RAP1GAP2: variants seen among roughly 807,000 people sequenced by gnomAD.
RAP1GAP2 encodes the protein RAP1 GTPase activating protein 2, also known as rap1 GTPase-activating protein 2.
RAP1GAP2 carries 27 observed loss-of-function variants against 95.0 expected under a neutral mutation model. The ratio of observed to expected loss-of-function variants is 0.28; its 90% CI spans 0.21 to 0.39. The LOEUF (loss-of-function observed/expected upper bound fraction) is 0.39. Ranked by LOEUF, RAP1GAP2 falls within the 10% of genes least tolerant of loss-of-function variation. The probability of loss-of-function intolerance (pLI) is 1.00; values close to 1 mark genes in which losing one functional copy is unlikely to be tolerated. For missense variants in RAP1GAP2, 771 were observed against 970.0 expected (o/e 0.79, Z 2.72); for synonymous variants, 373 against 380.9 (o/e 0.98, Z 0.24).
At position 2,995,956 on chromosome 17, in the gene RAP1GAP2, G is replaced by A. The variant is rs2045943242; in HGVS notation, c.1044+490G>A. On this transcript the variant is annotated intron_variant, in intron 13 of 24. Transcript: ENST00000254695. ...GTTAACCTTCTCATCTATAAAATGG[G>A]GGGTAACACCACCCATGGTAGAGGG... is the stretch of plus-strand genomic sequence containing the variant. 7.0e-5 allele frequency among the ~76,000 whole-genome samples: 2 copies of A among 28,596 alleles called. 1 individual carries two copies. The highest frequency in any genetic ancestry group is 1.5e-3 in the South Asian group (2 of 1,374). 18.8% of individuals were successfully genotyped at this position (28,596 alleles called of 152,430 possible).
chr17:2,960,284 G>A (rs2044265124), intron 4 of RAP1GAP2, among the ~76,000 whole-genome samples: 2 of 152,198 alleles, frequency 1.3e-5, no homozygotes, highest in South Asian at 4.1e-4. Flanking sequence ...CTGCCCTCGG[G>A]GCTGTTCCCA....
At chr17:2,980,142 C>T (rs1038360133) in intron 8 of RAP1GAP2, 145 bp from the exon 9 acceptor site, 1 of 659,584 alleles carries the variant, frequency 1.5e-6, no homozygotes. Flanking sequence ...TGGGTTTCAC[C>T]ATGTTGGACA....
At chr17:3,025,949 G>A in intron 19 of RAP1GAP2, 59 bp from the exon 20 acceptor site, 2 of 1,304,138 alleles carry the variant, frequency 1.5e-6, no homozygotes, top group Non-Finnish European at 2.2e-6. Flanking sequence ...TGGGGCCGTG[G>A]ATGGGGTGGG....
intron 8 of RAP1GAP2, among the ~76,000 whole-genome samples, chr17:2,978,005 A>G (rs145341921): frequency 1.9e-3 from 295 of 152,232 alleles, no homozygotes; most frequent in African/African-American, 6.8e-3. Flanking sequence ...CAATGGAAAC[A>G]CATCTGTTTA....
chr17:2,946,667 C>T (rs1223819755), intron 3 of RAP1GAP2, among the ~76,000 whole-genome samples: 1 of 152,228 alleles, frequency 6.6e-6, no homozygotes, highest in Non-Finnish European at 1.5e-5. Flanking sequence ...ACATGATGAA[C>T]CCCATAGGTC....
At chr17:2,916,531 G>T (rs151334939) in intron 3 of RAP1GAP2, among the ~76,000 whole-genome samples, 51 of 152,338 alleles carry the variant, frequency 3.3e-4, no homozygotes, top group African/African-American at 1.2e-3. Flanking sequence ...GTCTGTGTGG[G>T]TCTGAAGCCT....
chr17:2,795,008 G>T (rs1477932803), upstream of RAP1GAP2, among the ~76,000 whole-genome samples: 1 of 150,206 alleles, frequency 6.7e-6, no homozygotes, highest in Admixed American at 6.7e-5. Flanking sequence ...CTCCAGAGTA[G>T]CTGGGATTAT....
intron 10 of RAP1GAP2, 36 bp downstream of exon 10, chr17:2,981,284 C>T (rs1331781299): frequency 1.3e-6 from 2 of 1,570,774 alleles, no homozygotes; most frequent in East Asian, 2.3e-5. Flanking sequence ...AGGGGCCCTG[C>T]AGCTTGGCAA....
At chr17:2,916,619 C>T (rs1317148784) in intron 3 of RAP1GAP2, among the ~76,000 whole-genome samples, 9 of 152,136 alleles carry the variant, frequency 5.9e-5, no homozygotes, top group Admixed American at 1.3e-4. Flanking sequence ...GACCTCCAGT[C>T]TCTTCACTTG....
intron 3 of RAP1GAP2, among the ~76,000 whole-genome samples, chr17:2,918,278 C>A (rs1230785509): frequency 1.3e-5 from 2 of 151,686 alleles, no homozygotes; most frequent in African/African-American, 4.8e-5. Flanking sequence ...ACTAAAAATA[C>A]AAAAATTAGT....
intron 2 of RAP1GAP2, among the ~76,000 whole-genome samples, chr17:2,832,513 G>C (rs1006318645): frequency 5.6e-5 from 8 of 142,520 alleles, no homozygotes; most frequent in South Asian, 2.3e-4. Flanking sequence ...AGCCGAGATC[G>C]CGCCACTGCA....
At chr17:2,787,254 G>GTT (rs1186389658) in intron 1 of RAP1GAP2, among the ~76,000 whole-genome samples, 34 of 134,266 alleles carry the variant, frequency 2.5e-4, no homozygotes, top group Admixed American at 3.7e-4. Context: ...CCCAGCTTTG[G>GTT]TTTTTTTTTT....
rs2047230533 is a variant in RAP1GAP2 at position 3,029,673 on chromosome 17, A to G, written c.2108-1249A>G. 6.6e-6 allele frequency among the ~76,000 whole-genome samples: 1 copy of G among 152,198 alleles called. No homozygotes were observed. Among genetic ancestry groups the G allele is most frequent in the South Asian group, 2.1e-4 (1 of 4,830 alleles). ...TCCTCGATTCGAAGCACCACGAACCAGCCAGCAGCTTCCAGGAAGGCTGCA... is the reference window on the plus strand; with the variant it reads ...TCCTCGATTCGAAGCACCACGAACCGGCCAGCAGCTTCCAGGAAGGCTGCA... On this transcript the variant is annotated intron_variant, in intron 22 of 24. Coordinates refer to ENST00000254695, the MANE Select transcript of RAP1GAP2 (RefSeq NM_015085.5). The surrounding 1 kb of genome is among the most constrained non-coding windows in gnomAD (Gnocchi z 4.4).
At chr17:2,830,099 A>G (rs2151541999) in intron 2 of RAP1GAP2, among the ~76,000 whole-genome samples, 1 of 152,266 alleles carries the variant, frequency 6.6e-6, no homozygotes, top group South Asian at 2.1e-4. Context: ...GTAAGAGTTT[A>G]CTCTCTTAAA....
chr17:2,983,618 T>A (rs2045453374), intron 10 of RAP1GAP2, among the ~76,000 whole-genome samples: 2 of 152,230 alleles, frequency 1.3e-5, no homozygotes. Flanking sequence ...TAAGTACAGA[T>A]AATTTAAAAT....
At chr17:2,888,313 T>C (rs1335405619) in intron 2 of RAP1GAP2, among the ~76,000 whole-genome samples, 1 of 152,226 alleles carries the variant, frequency 6.6e-6, no homozygotes, top group Non-Finnish European at 1.5e-5. Context: ...TTTGAAAATA[T>C]ACAATAAATT....
intron 8 of RAP1GAP2, among the ~76,000 whole-genome samples, chr17:2,978,618 A>G (rs551082667): frequency 1.1e-4 from 16 of 152,206 alleles, no homozygotes; most frequent in African/African-American, 2.7e-4. Context: ...AAAACCGTGG[A>G]TAAGGGGGAC....
upstream of RAP1GAP2, among the ~76,000 whole-genome samples, chr17:2,775,536 CA>C (rs555889384): frequency 3.5e-3 from 528 of 152,110 alleles, 4 homozygotes; most frequent in Middle Eastern, 0.027. Context: ...GCAGGGGGAG[CA>C]GCAAGTGCAA....
Position 2,757,449 on chromosome 17 carries a change from CA to C in RAP1GAP2, c.50+1683del, listed in dbSNP as rs573726844. ...GAGGTAATCCACTTTTGAATTACCT[CA>C]GGGGAGGTGGGCAGTTAGTGTCCCT... On this transcript the variant is annotated intron_variant, in intron 1 of 25. Transcript: ENST00000637138. Among the ~76,000 whole-genome samples the C allele has an allele frequency of 8.5e-5, 13 of 152,258 alleles. No homozygotes were observed. In the East Asian group the frequency reaches 1.4e-3, roughly 16 times the overall value.
Sources: allele counts gnomAD v4.1 joint callset (sites outside exome capture counted in the v4.1 genomes callset), GRCh38; gene constraint gnomAD v4.1.1; non-coding constraint Gnocchi (gnomAD v3.1); transcripts MANE v1.5; gene names NCBI Gene and HGNC (gene_info 2026-07-23, HGNC 2026-07-21).